Variants in LRRIQ1 observed in about 807,000 individuals in gnomAD.
LRRIQ1 encodes leucine-rich repeat- and IQ domain-containing protein 1.
A neutral mutation model predicts 211.9 loss-of-function variants in LRRIQ1; 210 were observed. The observed-to-expected ratio is 0.99, with a 90% CI of 0.89 to 1.11. LRRIQ1 has a LOEUF of 1.11. Among genes scored for constraint, LRRIQ1 ranks in the 50% most tolerant of loss-of-function variants. LRRIQ1 has a pLI of 0.00. For synonymous variants in LRRIQ1, 699 were observed against 650.1 expected (o/e 1.08, Z -1.14); for missense variants, 2,136 against 1,939.5 (o/e 1.10, Z -1.90).
At chr12:85,268,961 C>G (rs1239922343), downstream of LRRIQ1, among the ~76,000 whole-genome samples, 1 of 151,908 alleles carries the variant, frequency 6.6e-6, no homozygotes, top group African/African-American at 2.4e-5. Flanking sequence ...GGATTGGTTT[C>G]TAATCATAAT....
chr12:85,207,130 C>T (rs146190852), intron 24 of LRRIQ1, among the ~76,000 whole-genome samples: 1 of 152,250 alleles, frequency 6.6e-6, no homozygotes, highest in Non-Finnish European at 1.5e-5. Context: ...TCACTTGTCA[C>T]CTGCTCTACT....
chr12:85,076,870 A>T (rs1883722449), intron 11 of LRRIQ1, among the ~76,000 whole-genome samples: 2 of 151,710 alleles, frequency 1.3e-5, no homozygotes, highest in African/African-American at 4.8e-5. Context: ...GCTGAAAGGG[A>T]TCTTAGGTAT....
At chr12:85,202,901 T>C (rs1893366655) in intron 24 of LRRIQ1, among the ~76,000 whole-genome samples, 1 of 151,894 alleles carries the variant, frequency 6.6e-6, no homozygotes, top group African/African-American at 2.4e-5. Context: ...CTTAAGTGTG[T>C]TTTTGTAGTG....
At chr12:85,166,391 A>G (rs756026006) in intron 24 of LRRIQ1, among the ~76,000 whole-genome samples, 1 of 152,238 alleles carries the variant, frequency 6.6e-6, no homozygotes, top group African/African-American at 2.4e-5. Flanking sequence ...CTTTTATAAA[A>G]TAGAAGATTT....
intron 11 of LRRIQ1, chr12:85,076,747 ATAAGAATCTTT>A (rs2136133342): frequency 6.1e-6 from 1 of 164,660 alleles, no homozygotes; most frequent in South Asian, 2.0e-4. Flanking sequence ...CATTTTGCTT[ATAAGAATCTTT>A]TTCACTATTA....
intron 24 of LRRIQ1, among the ~76,000 whole-genome samples, chr12:85,214,559 G>A (rs1555225656): frequency 6.6e-6 from 1 of 152,064 alleles, no homozygotes; most frequent in Non-Finnish European, 1.5e-5. Flanking sequence ...ATAGAAAACA[G>A]CAGCGGGAGA....
chr12:85,068,213 C>A (rs559413500), intron 10 of LRRIQ1, among the ~76,000 whole-genome samples: 1 of 151,700 alleles, frequency 6.6e-6, no homozygotes, highest in African/African-American at 2.4e-5. Context: ...TACTGGGCTC[C>A]CAGAGGATAC....
intron 1 of LRRIQ1, among the ~76,000 whole-genome samples, chr12:85,254,897 A>G (rs1243204031): frequency 6.6e-6 from 1 of 151,992 alleles, no homozygotes; most frequent in African/African-American, 2.4e-5. Context: ...TGAGGAGTGA[A>G]CAGAAATTTA....
intron 24 of LRRIQ1, among the ~76,000 whole-genome samples, chr12:85,187,618 C>A (rs1369437146): frequency 1.3e-5 from 2 of 151,774 alleles, no homozygotes; most frequent in Non-Finnish European, 2.9e-5. Context: ...ACCAGCTTAG[C>A]CAACGTGGCA....
At chr12:85,121,629 A>G (rs914173852) in intron 15 of LRRIQ1, 68 bp from the exon 16 acceptor site, 1 of 1,155,302 alleles carries the variant, frequency 8.7e-7, no homozygotes, top group Non-Finnish European at 1.2e-6. Context: ...TGATTAGTAT[A>G]TGGTTATTTA....
intron 24 of LRRIQ1, among the ~76,000 whole-genome samples, chr12:85,216,180 C>T (rs1894069810): frequency 6.6e-6 from 1 of 152,144 alleles, no homozygotes; most frequent in Admixed American, 6.5e-5. Context: ...TACCCCCGCA[C>T]CCCCTGACAG....
chr12:85,265,623 A>T (rs1896401986), downstream of LRRIQ1, among the ~76,000 whole-genome samples: 1 of 152,006 alleles, frequency 6.6e-6, no homozygotes, highest in Non-Finnish European at 1.5e-5. Context: ...GCCACTAGAC[A>T]ATTGTGATTA....
chr12:85,070,337 G>A (rs965745471), intron 10 of LRRIQ1, among the ~76,000 whole-genome samples: 12 of 151,914 alleles, frequency 7.9e-5, no homozygotes, highest in African/African-American at 2.4e-4. Context: ...ATGTTCATCC[G>A]TTAATTAATA....
intron 15 of LRRIQ1, among the ~76,000 whole-genome samples, chr12:85,110,790 ACT>A (rs1336273069): frequency 6.6e-6 from 1 of 152,008 alleles, no homozygotes; most frequent in Non-Finnish European, 1.5e-5. Context: ...ATGTAGCTAG[ACT>A]CTGTTTGAAG....
At chr12:85,151,993 A>T (rs1214744760) in intron 19 of LRRIQ1, among the ~76,000 whole-genome samples, 1 of 151,700 alleles carries the variant, frequency 6.6e-6, no homozygotes, top group African/African-American at 2.4e-5. Flanking sequence ...TCAGAGTCAT[A>T]GTTATAAACA....
chr12:85,159,755 AT>A (rs895907508), intron 23 of LRRIQ1, among the ~76,000 whole-genome samples: 79 of 149,376 alleles, frequency 5.3e-4, no homozygotes, highest in African/African-American at 1.8e-3. Context: ...TTGACATGTC[AT>A]TTTTTTTTGT....
At chr12:85,227,556 T>G (rs1027638602) in intron 24 of LRRIQ1, among the ~76,000 whole-genome samples, 2 of 152,120 alleles carry the variant, frequency 1.3e-5, no homozygotes, top group African/African-American at 4.8e-5. Context: ...TAAGTTCTCA[T>G]GAATAGGAAG....
At chr12:85,102,844 T>C (rs1886450598) in intron 13 of LRRIQ1, among the ~76,000 whole-genome samples, 2 of 150,718 alleles carry the variant, frequency 1.3e-5, no homozygotes, top group Admixed American at 6.7e-5. Context: ...TAATGCATAC[T>C]TATTTATTTT....
chr12:85,236,405 C>G (rs1340332151), intron 26 of LRRIQ1, among the ~76,000 whole-genome samples: 2 of 151,980 alleles, frequency 1.3e-5, no homozygotes, highest in Non-Finnish European at 2.9e-5. Context: ...CCAATGAATA[C>G]ATTAGAAAAA....
Sources: allele counts gnomAD v4.1 joint callset (sites outside exome capture counted in the v4.1 genomes callset), GRCh38; gene constraint gnomAD v4.1.1; transcripts MANE v1.5; gene names NCBI Gene and HGNC (gene_info 2026-07-23, HGNC 2026-07-21).